The following MACO1 variants were observed in gnomAD, a reference collection of about 807,000 sequenced individuals.
MACO1 encodes macoilin 1.
MACO1 carries 14 observed loss-of-function variants against 78.7 expected under a neutral mutation model. The observed-to-expected ratio is 0.18, with a 90% CI of 0.12 to 0.28. MACO1 has a LOEUF of 0.28. Ranked by LOEUF, MACO1 falls within the 10% of genes least tolerant of loss-of-function variation. The pLI is 1.00. For synonymous variants in MACO1, 288 were observed against 291.6 expected (o/e 0.99, Z 0.12); for missense variants, 501 against 799.0 (o/e 0.63, Z 4.50).
At chr1:25,453,004 ATT>A (rs1246920699) in intron 3 of MACO1, among the ~76,000 whole-genome samples, 13 of 118,170 alleles carry the variant, frequency 1.1e-4, no homozygotes, top group Non-Finnish European at 1.2e-4. Flanking sequence ...CCTACAGTGA[ATT>A]TTTTTTTTTT....
At chr1:25,444,900 A>G (rs922995926) in intron 1 of MACO1, among the ~76,000 whole-genome samples, 1 of 152,060 alleles carries the variant, frequency 6.6e-6, no homozygotes, top group Non-Finnish European at 1.5e-5. Flanking sequence ...TAAAATGTGC[A>G]TTGCTCTCCA....
chr1:25,460,913 G>T (rs982379453), intron 6 of MACO1, among the ~76,000 whole-genome samples: 19 of 152,176 alleles, frequency 1.2e-4, no homozygotes, highest in African/African-American at 3.9e-4. Flanking sequence ...TTATATTTAA[G>T]TAGGTTTATA....
chr1:25,478,254 T>G lies in MACO1; in HGVS notation c.1155-5862T>G, dbSNP rs543116744. ...AGCGAGACTCTGTCTCAAAAAAATT[T>G]TTTCAATAAATAAATACTGTATTTA... On this transcript the variant is annotated intron_variant, in intron 6 of 10. Coordinates refer to ENST00000374343, the MANE Select transcript of MACO1 (RefSeq NM_018202.6). Among the ~76,000 whole-genome samples, 10 of 152,142 alleles carry G rather than the reference T, an allele frequency of 6.6e-5. No individual in the cohort carries two copies. In the East Asian group the frequency reaches 1.9e-3, roughly 29 times the overall value.
At chr1:25,471,881 C>G (rs190963787) in intron 6 of MACO1, among the ~76,000 whole-genome samples, 182 of 152,320 alleles carry the variant, frequency 1.2e-3, no homozygotes, top group African/African-American at 3.9e-3. Context: ...AAATCCAGCA[C>G]TCCGTCAGTA....
chr1:25,491,332 A>T, intron 9 of MACO1, 78 bp from the exon 10 acceptor site: 1 of 1,580,270 alleles, frequency 6.3e-7, no homozygotes, highest in African/African-American at 1.3e-5. Flanking sequence ...GTGGGATTTA[A>T]TTTGTGATTT....
chr1:25,487,952 T>C (rs1417346949), intron 8 of MACO1, among the ~76,000 whole-genome samples: 1 of 152,148 alleles, frequency 6.6e-6, no homozygotes, highest in Non-Finnish European at 1.5e-5. Context: ...ATCTGGAAAA[T>C]GGGATAAATA....
intron 1 of MACO1, among the ~76,000 whole-genome samples, chr1:25,443,954 T>TA (rs1267750331): frequency 2.1e-5 from 3 of 142,508 alleles, no homozygotes; most frequent in African/African-American, 2.6e-5. Flanking sequence ...TTTTTTTTTT[T>TA]AAGAGATGGT....
chr1:25,458,479 G>A lies in MACO1; in HGVS notation c.741G>A (p.Leu247=), dbSNP rs1186494608. 6.2e-7 allele frequency: 1 copy of A among 1,613,690 alleles called. No homozygotes were observed. Among genetic ancestry groups the A allele is most frequent in the African/African-American group, 1.3e-5 (1 of 74,814 alleles). The change falls in exon 6 of 11, where the codon TTG becomes TTA. Residue 247 remains leucine, a synonymous_variant. Coordinates refer to ENST00000374343, the MANE Select transcript of MACO1 (RefSeq NM_018202.6). ...IPANKKLSTT[L]PEIEYREKGK... is the part of the protein sequence containing the mutation. ...CCAACAAAAAACTCTCCACAACTTT[G>A]CCAGAGATAGAATACCGAGAAAAAG... is the stretch of plus-strand genomic sequence containing the variant.
At chr1:25,498,195 T>TTCA (rs2124617023) in intron 10 of MACO1, 69 bp from the exon 11 acceptor site, 1 of 1,532,276 alleles carries the variant, frequency 6.5e-7, no homozygotes, top group East Asian at 2.2e-5. Flanking sequence ...TACTTAGGGA[T>TTCA]TGGCCCCTGG....
chr1:25,470,116 T>A (rs1223804315), intron 6 of MACO1, among the ~76,000 whole-genome samples: 1 of 152,244 alleles, frequency 6.6e-6, no homozygotes, highest in African/African-American at 2.4e-5. Context: ...AATCAGTGGA[T>A]TCAATATGAT....
At chr1:25,461,582 CT>C (rs2043173021) in intron 6 of MACO1, among the ~76,000 whole-genome samples, 1 of 151,310 alleles carries the variant, frequency 6.6e-6, no homozygotes, top group Non-Finnish European at 1.5e-5. Flanking sequence ...CTTCCCCCCC[CT>C]CAAAAAAAAG....
intron 6 of MACO1, among the ~76,000 whole-genome samples, chr1:25,459,197 A>G (rs933210433): frequency 1.3e-5 from 2 of 151,996 alleles, no homozygotes; most frequent in South Asian, 2.1e-4. Context: ...TTCTGTTTGC[A>G]TGTCCAGAGT....
intron 1 of MACO1, among the ~76,000 whole-genome samples, chr1:25,434,692 T>G (rs936459546): frequency 6.6e-5 from 10 of 152,204 alleles, no homozygotes; most frequent in Non-Finnish European, 1.2e-4. Flanking sequence ...CTTTTCTATC[T>G]CAAATGAGAT....
At chr1:25,476,699 A>G (rs2043323974) in intron 6 of MACO1, among the ~76,000 whole-genome samples, 1 of 152,228 alleles carries the variant, frequency 6.6e-6, no homozygotes, top group Non-Finnish European at 1.5e-5. Flanking sequence ...CTTGTCTTGT[A>G]TGATTAATGT....
chr1:25,475,764 A>G (rs1025899275), intron 6 of MACO1, among the ~76,000 whole-genome samples: 5 of 152,212 alleles, frequency 3.3e-5, no homozygotes, highest in South Asian at 4.1e-4. Context: ...TCTGATTTTG[A>G]AAAGGAAGAG....
intron 1 of MACO1, among the ~76,000 whole-genome samples, chr1:25,431,965 T>A (rs888106136): frequency 7.2e-5 from 11 of 152,080 alleles, no homozygotes; most frequent in Admixed American, 7.2e-4. Flanking sequence ...TAAATAGAAA[T>A]TGAATTCAGT....
chr1:25,450,257 C>A (rs984088888), intron 3 of MACO1, among the ~76,000 whole-genome samples: 2 of 152,154 alleles, frequency 1.3e-5, no homozygotes, highest in African/African-American at 2.4e-5. Context: ...TAAGCACTTT[C>A]ACCCTCCTCG....
intron 3 of MACO1, among the ~76,000 whole-genome samples, chr1:25,451,597 T>G (rs980273479): frequency 1.3e-5 from 2 of 152,148 alleles, no homozygotes; most frequent in African/African-American, 4.8e-5. Context: ...CTGTTCTTCC[T>G]CCTACATTGT....
intron 6 of MACO1, among the ~76,000 whole-genome samples, chr1:25,460,395 C>T (rs865968837): frequency 6.6e-6 from 1 of 151,854 alleles, no homozygotes; most frequent in East Asian, 1.9e-4. Context: ...ACCATCCTTT[C>T]TCCTACACAT....
Sources: gnomAD v4.1 joint callset for allele counts (sites outside exome capture counted in the v4.1 genomes callset) on GRCh38, gnomAD v4.1.1 for gene constraint, MANE v1.5 for transcripts, NCBI Gene and HGNC (gene_info 2026-07-23, HGNC 2026-07-21) for gene names.